Variants in RBM39 observed in about 807,000 individuals in gnomAD.
The protein encoded by RBM39 is RNA binding motif protein 39.
In RBM39, 12 loss-of-function variants were observed where a neutral mutation model predicts 79.6. The ratio of observed to expected loss-of-function variants is 0.15; its 90% CI spans 0.10 to 0.24. The LOEUF (loss-of-function observed/expected upper bound fraction) is 0.24. RBM39 is among the 10% of genes least tolerant of loss of function. The pLI, the probability that RBM39 is intolerant of heterozygous loss-of-function variation, is 1.00. For missense variants in RBM39, 243 were observed against 653.4 expected, an observed-to-expected ratio of 0.37 and a Z score of 6.85; for synonymous variants, 185 against 208.4, an observed-to-expected ratio of 0.89 and a Z score of 0.97.
chr20:35,721,655 G>A (rs2037956564), intron 9 of RBM39, 85 bp downstream of exon 9: 2 of 1,457,688 alleles, frequency 1.4e-6, no homozygotes, highest in Non-Finnish European at 1.9e-6. Context: ...CTCACAGAAA[G>A]ATAACAAAGC....
intron 7 of RBM39, 33 bp from the exon 8 acceptor site, chr20:35,724,755 T>C (rs1393342898): frequency 1.2e-6 from 2 of 1,605,886 alleles, no homozygotes; most frequent in South Asian, 1.1e-5. Flanking sequence ...TGTGCAAACA[T>C]CCATTGTAAC....
chr20:35,717,753 G>A (rs2037332621), intron 9 of RBM39, among the ~76,000 whole-genome samples: 1 of 152,188 alleles, frequency 6.6e-6, no homozygotes, highest in South Asian at 2.1e-4. Context: ...ACTTTGGGAG[G>A]CAGGAGGATC....
intron 10 of RBM39, among the ~76,000 whole-genome samples, chr20:35,715,341 A>G (rs1286380955): frequency 6.6e-6 from 1 of 151,982 alleles, no homozygotes; most frequent in Admixed American, 6.6e-5. Flanking sequence ...CGCCCGGTTA[A>G]TTTTTTATAT....
At chr20:35,714,831 C>G (rs1014384086) in intron 10 of RBM39, among the ~76,000 whole-genome samples, 2 of 151,902 alleles carry the variant, frequency 1.3e-5, no homozygotes, top group Admixed American at 1.3e-4. Context: ...CATACACAAG[C>G]AAATAAATAC....
intron 2 of RBM39, chr20:35,739,439 A>C (rs1228953513): frequency 2.1e-6 from 1 of 471,474 alleles, no homozygotes; most frequent in Admixed American, 2.3e-5. Flanking sequence ...GCTAGCAGCC[A>C]GCCACTATCG....
intron 10 of RBM39, among the ~76,000 whole-genome samples, chr20:35,715,469 C>CA (rs2036990750): frequency 6.6e-6 from 1 of 152,172 alleles, no homozygotes. Context: ...AGCCACCACA[C>CA]ACAGCCCAAA....
intron 8 of RBM39, among the ~76,000 whole-genome samples, chr20:35,723,501 T>C (rs1456184618): frequency 6.6e-6 from 1 of 152,174 alleles, no homozygotes; most frequent in Non-Finnish European, 1.5e-5. Context: ...TGCAATGGCG[T>C]GATCTTGCCT....
At position 35,724,821 on chromosome 20, in the gene RBM39, T is replaced by G. The variant is rs1600526450; in HGVS notation, c.535-99A>C. 7.2e-6 allele frequency: 10 copies of G among 1,396,700 alleles called. No homozygotes were observed. The East Asian group carries it at 1.9e-4, about 27-fold the overall frequency. The allele number at this position is 1,396,700 out of a possible 1,614,324, so 86.5% of individuals were successfully genotyped here. On this transcript the variant is annotated intron_variant, in intron 7 of 16. Transcript: ENST00000253363. Reference sequence around the variant, plus strand: ...GAAGGATGAAGGTATTTTTAAAAATTTAATTAAAAAAGTAAATCTGTAGGA... The same window carrying G: ...GAAGGATGAAGGTATTTTTAAAAATGTAATTAAAAAAGTAAATCTGTAGGA...
At position 35,726,688 on chromosome 20, in the gene RBM39, ATC is replaced by A. The variant is rs1216036087; in HGVS notation, c.417-1535_417-1534del. The stretch of plus-strand genomic sequence containing the variant: ...TTTAGATACAGTGTCTATTAACATC[ATC>A]TCTGTTACAAAATATCAATTAAGGT... On this transcript the variant is annotated intron_variant, in intron 6 of 16. Coordinates refer to ENST00000253363, the MANE Select transcript of RBM39 (RefSeq NM_184234.3). Among the ~76,000 whole-genome samples the A allele has an allele frequency of 3.3e-5, 5 of 152,220 alleles. No homozygotes were observed. The South Asian group carries it at 6.2e-4, about 19-fold the overall frequency.
chr20:35,733,292 A>T (rs2039562642), intron 3 of RBM39, among the ~76,000 whole-genome samples: 3 of 101,778 alleles, frequency 2.9e-5, no homozygotes, highest in Non-Finnish European at 6.2e-5. Flanking sequence ...AAAAAGAGCA[A>T]AACACCATCT....
At chr20:35,710,398 T>C (rs987708578) in intron 12 of RBM39, 2 of 152,164 alleles carry the variant, frequency 1.3e-5, no homozygotes, top group African/African-American at 2.4e-5. Flanking sequence ...CTTTAAATAA[T>C]AACAGAATTT....
intron 1 of RBM39, 107 bp from the exon 2 acceptor site, chr20:35,740,994 G>A (rs1440129043): frequency 2.2e-5 from 10 of 457,394 alleles, no homozygotes; most frequent in Non-Finnish European, 3.2e-5. Context: ...AAACGCCTAG[G>A]AAAAGAACAA....
chr20:35,740,057 G>C (rs1220414028), intron 2 of RBM39: 2 of 156,434 alleles, frequency 1.3e-5, no homozygotes, highest in African/African-American at 4.8e-5. Flanking sequence ...TAATTCCTTT[G>C]TTTTTAGTGT....
At chr20:35,736,379 C>T in intron 3 of RBM39, 2 of 291,270 alleles carry the variant, frequency 6.9e-6, no homozygotes, top group Non-Finnish European at 1.4e-5. Context: ...AGCACATTTT[C>T]TACAAATTAT....
intron 3 of RBM39, chr20:35,736,620 G>A (rs922466939): frequency 1.1e-5 from 5 of 466,748 alleles, no homozygotes; most frequent in African/African-American, 2.0e-5. Context: ...TTTTTCTCTC[G>A]TTTTTCATTA....
intron 11 of RBM39, 45 bp from the exon 12 acceptor site, chr20:35,713,141 G>T: frequency 6.6e-7 from 1 of 1,517,964 alleles, no homozygotes; most frequent in Non-Finnish European, 9.0e-7. Flanking sequence ...TGAGAGCAGA[G>T]AAACGAAGTT....
intron 13 of RBM39, 44 bp from the exon 14 acceptor site, chr20:35,707,245 A>C: frequency 7.1e-7 from 1 of 1,405,620 alleles, no homozygotes; most frequent in African/African-American, 1.4e-5. Context: ...AAAATGCATG[A>C]AAGTATCCCT....
At position 35,724,992 on chromosome 20, in the gene RBM39, C is replaced by T. The variant is rs41293086; in HGVS notation, c.534+46G>A. The T allele has an allele frequency of 5.5e-3, 7,191 of 1,316,742 alleles. 24 individuals carry two copies. Among genetic ancestry groups the T allele is most frequent in the Non-Finnish European group, 6.9e-3 (6,402 of 929,996 alleles). 81.6% of individuals were successfully genotyped at this position (1,316,742 alleles called of 1,614,324 possible). On this transcript the variant is annotated intron_variant, in intron 7 of 16. Coordinates refer to ENST00000253363, the MANE Select transcript of RBM39 (RefSeq NM_184234.3). Reference sequence around the variant, plus strand: ...AGTATTTGATGTTTACATGTTTTCTCTTGCAATTTCTACCTACTTGACCTC... The same window carrying T: ...AGTATTTGATGTTTACATGTTTTCTTTTGCAATTTCTACCTACTTGACCTC...
At chr20:35,709,598 A>C (rs925408191) in intron 12 of RBM39, among the ~76,000 whole-genome samples, 2 of 152,018 alleles carry the variant, frequency 1.3e-5, no homozygotes, top group African/African-American at 4.8e-5. Flanking sequence ...TGAGTGAAAA[A>C]CCCTGATCTT....
Sources: allele counts gnomAD v4.1 joint callset (sites outside exome capture counted in the v4.1 genomes callset), GRCh38; gene constraint gnomAD v4.1.1; transcripts MANE v1.5; gene names NCBI Gene and HGNC (gene_info 2026-07-23, HGNC 2026-07-21).